The following CEP350 variants were observed in gnomAD, a reference collection of about 807,000 sequenced individuals.
CEP350 encodes centrosome-associated protein 350.
A neutral mutation model predicts 331.8 loss-of-function variants in CEP350; 126 were observed. The observed-to-expected ratio is 0.38, with a 90% CI of 0.33 to 0.44. The LOEUF is 0.44. Among genes scored for constraint, CEP350 ranks in the 20% least tolerant of loss-of-function variants. The pLI, the probability that CEP350 is intolerant of heterozygous loss-of-function variation, is 1.00. For synonymous variants in CEP350, 1,200 were observed against 1,259.5 expected, an observed-to-expected ratio of 0.95 and a Z score of 1.00; for missense variants, 3,406 against 3,634.6, an observed-to-expected ratio of 0.94 and a Z score of 1.62.
At chr1:180,074,142 A>G (rs1412997247) in intron 27 of CEP350, among the ~76,000 whole-genome samples, 1 of 152,110 alleles carries the variant, frequency 6.6e-6, no homozygotes, top group Non-Finnish European at 1.5e-5. Context: ...CGATACATGT[A>G]CGCATTTTTC....
rs1656185038 is a variant in CEP350, at chr1:180,033,961, A to G, written c.3825A>G (p.Ser1275=). 4 of 1,613,928 alleles carry G rather than the reference A, an allele frequency of 2.5e-6. No homozygotes were observed. The highest frequency in any genetic ancestry group is 3.4e-6 in the Non-Finnish European group (4 of 1,179,828). The change falls in exon 16 of 38, where the codon TCA becomes TCG. Residue 1275 remains serine (S), a synonymous_variant. Transcript: ENST00000367607. ...AGTTTGACGTTGCAGGAACTTCTTC[A>G]GAAAGATCTAAGTCGTCAGTAATGC... ...SLQFDVAGTS[S]ERSKSSVMPP...
chr1:180,085,523 T>C (rs143252287), intron 31 of CEP350: 1 of 150,324 alleles, frequency 6.7e-6, no homozygotes. Flanking sequence ...ACACATTCTG[T>C]TTCTCTATTA....
intron 14 of CEP350, among the ~76,000 whole-genome samples, chr1:180,030,326 C>T (rs577105199): frequency 8.8e-6 from 1 of 114,014 alleles, no homozygotes; most frequent in Non-Finnish European, 1.9e-5. Flanking sequence ...TATATATATA[C>T]ATATGTGTGT....
rs1658282078 is a variant in CEP350, at chr1:180,062,465, G to A, written c.5409+99G>A. ...AAGATAATATTCATTCAAGCAGTAT[G>A]ATACAATAATGAACTAGGATAAAGT... On this transcript the variant is annotated intron_variant, in intron 26 of 37. Coordinates refer to ENST00000367607, the MANE Select transcript of CEP350 (RefSeq NM_014810.5). 4 of 1,345,562 alleles carry A rather than the reference G, an allele frequency of 3.0e-6. No individual in the cohort carries two copies. The South Asian group carries it at 7.7e-5, about 26-fold the overall frequency. The allele number at this position is 1,345,562 out of a possible 1,614,324, so 83.4% of individuals were successfully genotyped here.
At chr1:179,968,332 CAAA>C (rs397861084) in intron 1 of CEP350, among the ~76,000 whole-genome samples, 21 of 88,382 alleles carry the variant, frequency 2.4e-4, no homozygotes, top group Non-Finnish European at 2.1e-4. Flanking sequence ...ACTCTGTCTC[CAAA>C]AAAAAAAAAA....
At chr1:180,028,019 G>A (rs965481802) in intron 14 of CEP350, among the ~76,000 whole-genome samples, 1 of 152,148 alleles carries the variant, frequency 6.6e-6, no homozygotes, top group Non-Finnish European at 1.5e-5. Context: ...GAAAGTCTTT[G>A]TAGGACATTT....
intron 9 of CEP350, among the ~76,000 whole-genome samples, chr1:180,013,286 A>G (rs1185093261): frequency 6.6e-6 from 1 of 152,216 alleles, no homozygotes; most frequent in Non-Finnish European, 1.5e-5. Flanking sequence ...ACATGGTGCC[A>G]TTTCATGTAA....
rs563965543 is a variant in CEP350, at chr1:180,064,212, TG to T, written c.5410-898del. ...CTGTGCTTGGGCTTGCAGTTGTGTG[TG>T]GGGGTCACTTCCATGTGACATTCTT... On this transcript the variant is annotated intron_variant, in intron 26 of 37. Coordinates refer to ENST00000367607, the MANE Select transcript of CEP350 (RefSeq NM_014810.5). 1.2e-4 allele frequency among the ~76,000 whole-genome samples: 18 copies of T among 152,238 alleles called. 1 individual carries two copies. In the East Asian group the frequency reaches 3.5e-3, roughly 29 times the overall value.
intron 27 of CEP350, among the ~76,000 whole-genome samples, chr1:180,068,665 C>G (rs1658693287): frequency 6.6e-6 from 1 of 152,144 alleles, no homozygotes; most frequent in Non-Finnish European, 1.5e-5. Context: ...AAATAGGACA[C>G]TGCATTTTTT....
intron 14 of CEP350, among the ~76,000 whole-genome samples, chr1:180,029,648 C>G (rs968001536): frequency 6.6e-6 from 1 of 152,176 alleles, no homozygotes; most frequent in Non-Finnish European, 1.5e-5. Context: ...GTTCTGGCAA[C>G]CACCATTCTA....
chr1:180,092,646 T>G lies in CEP350; in HGVS notation c.6541T>G (p.Ser2181Ala). Residue 2181 changes from serine to alanine, a missense_variant, in exon 34 of 38, where the codon TCA (serine) becomes GCA (alanine). Around this residue, in one of 5 missense-constraint regions of CEP350, gnomAD observed 1,415 missense variants for 1,512.3 expected, o/e 0.94. Transcript: ENST00000367607. ...ACTGTCTGGTTCTGAGAGATCAGTATCAGAAAGGTCTTTATCTGCATATGC... is the reference window on the plus strand; with the variant it reads ...ACTGTCTGGTTCTGAGAGATCAGTAGCAGAAAGGTCTTTATCTGCATATGC... The part of the protein sequence containing the change: ...ASLSGSERSV[S>A]ERSLSAYAKR... 1 of 1,604,620 alleles carries G rather than the reference T, an allele frequency of 6.2e-7. No individual in the cohort carries two copies. Among genetic ancestry groups the G allele is most frequent in the Non-Finnish European group, 8.5e-7 (1 of 1,175,492 alleles).
chr1:179,973,103 G>A (rs551529848), intron 1 of CEP350, among the ~76,000 whole-genome samples: 128 of 152,178 alleles, frequency 8.4e-4, no homozygotes, highest in South Asian at 1.0e-3. Flanking sequence ...TCCTGACCTC[G>A]TGATCCATCT....
chr1:179,964,314 G>T (rs979943185), intron 1 of CEP350, among the ~76,000 whole-genome samples: 22 of 152,080 alleles, frequency 1.4e-4, no homozygotes, highest in African/African-American at 5.3e-4. Flanking sequence ...GATTCCTATG[G>T]GTAGGATGGA....
At position 180,095,826 on chromosome 1, in the gene CEP350, G is replaced by C. The variant is rs1402331295; in HGVS notation, c.8815G>C (p.Glu2939Gln). The C allele has an allele frequency of 6.2e-7, 1 of 1,613,972 alleles. No homozygotes were observed. The highest frequency in any genetic ancestry group is 1.3e-5 in the African/African-American group (1 of 75,050). The change falls in exon 35 of 38, where the codon GAA becomes CAA. Residue 2939 changes from glutamate (E) to glutamine (Q), a missense_variant. Physicochemically the swap from Glu to Gln is conservative, Grantham distance 29. This residue lies in a region of CEP350 where 1,415 missense variants were observed against 1,512.3 expected (regional missense o/e 0.94). Coordinates refer to ENST00000367607, the MANE Select transcript of CEP350 (RefSeq NM_014810.5). ...NAAEELWKWK[E>Q]LGHDLHSISI... ...AGCAGAAGAACTTTGGAAATGGAAA[G>C]AATTAGGCCACGATCTTCATAGCAT...
At chr1:180,077,467 A>G (rs1659297069) in intron 28 of CEP350, among the ~76,000 whole-genome samples, 1 of 151,892 alleles carries the variant, frequency 6.6e-6, no homozygotes, top group South Asian at 2.1e-4. Flanking sequence ...TGAGCTCAAG[A>G]GTTCATGACA....
At chr1:180,005,435 G>A (rs1213827886) in intron 7 of CEP350, among the ~76,000 whole-genome samples, 2 of 150,076 alleles carry the variant, frequency 1.3e-5, no homozygotes, top group Non-Finnish European at 3.0e-5. Context: ...ATGTAATATT[G>A]TCTGAAATAT....
chr1:179,958,498 A>T (rs1650340718), intron 1 of CEP350, among the ~76,000 whole-genome samples: 1 of 152,222 alleles, frequency 6.6e-6, no homozygotes. Flanking sequence ...ATTACTGTGC[A>T]GTTGTTAACA....
At chr1:180,032,601 A>T (rs1418810151) in intron 15 of CEP350, among the ~76,000 whole-genome samples, 3 of 151,904 alleles carry the variant, frequency 2.0e-5, no homozygotes, top group Non-Finnish European at 4.4e-5. Context: ...TTTGATAAGG[A>T]GAAGTCCAGA....
At position 180,114,133 on chromosome 1, in the gene CEP350, C is replaced by G. The variant is rs1261118399; in HGVS notation, c.*2972C>G. ...AGAAATTATCTTTCAAAAGAGATTT[C>G]ATTGCTCATAAGAGTGTTGTGGCCT... On this transcript the variant is annotated 3_prime_UTR_variant, in exon 38 of 38. Coordinates refer to ENST00000367607, the MANE Select transcript of CEP350 (RefSeq NM_014810.5). The G allele has an allele frequency of 1.3e-5, 2 of 152,548 alleles. No individual in the cohort carries two copies. Among genetic ancestry groups the G allele is most frequent in the African/African-American group, 4.8e-5 (2 of 41,434 alleles). 9.4% of individuals were successfully genotyped at this position (152,548 alleles called of 1,614,324 possible).
Sources: gnomAD v4.1 joint callset for allele counts (sites outside exome capture counted in the v4.1 genomes callset) on GRCh38, gnomAD v4.1.1 for gene constraint, gnomAD v4.1.1 regional missense constraint, MANE v1.5 for transcripts, NCBI Gene and HGNC (gene_info 2026-07-23, HGNC 2026-07-21) for gene names.